PI4KA: variants seen among roughly 807,000 people sequenced by gnomAD.
PI4KA encodes the protein phosphatidylinositol 4-kinase alpha.
PI4KA carries 122 observed loss-of-function variants against 271.4 expected under a neutral mutation model. That is an observed-to-expected ratio of 0.45 (90% CI 0.39 to 0.52). The LOEUF is 0.52. PI4KA is among the 20% of genes least tolerant of loss of function. PI4KA has a pLI of 0.00. For missense variants in PI4KA, 1,969 were observed against 2,769.1 expected (o/e 0.71, Z 6.48); for synonymous variants, 1,041 against 1,078.8 (o/e 0.96, Z 0.69).
At chr22:20,842,241 TA>T (rs982101959) in intron 1 of PI4KA, among the ~76,000 whole-genome samples, 2 of 149,956 alleles carry the variant, frequency 1.3e-5, no homozygotes, top group Non-Finnish European at 1.5e-5. Flanking sequence ...ATATACATAT[TA>T]AAAAAAAATG....
At position 20,764,823 on chromosome 22, in the gene PI4KA, T is replaced by C; in HGVS notation, c.2702A>G (p.Tyr901Cys). 1.9e-6 allele frequency: 3 copies of C among 1,612,004 alleles called. No individual in the cohort carries two copies. Among genetic ancestry groups the C allele is most frequent in the Non-Finnish European group, 2.5e-6 (3 of 1,178,784 alleles). Residue 901 changes from tyrosine to cysteine, a missense_variant, in exon 22 of 55, where the codon TAC (tyrosine) becomes TGC (cysteine). Tyr to Cys is a radical substitution (Grantham distance 194). Transcript: ENST00000255882. ...GTGGTGAAGGCACGTGTACCTCATGTACTCCAGCCGGTACACAGAGAGGAG... is the reference window on the plus strand; with the variant it reads ...GTGGTGAAGGCACGTGTACCTCATGCACTCCAGCCGGTACACAGAGAGGAG... ...TYLLSVYRLE[Y>C]MRVLRSTDPD...
chr22:20,783,961 G>A (rs756453118), intron 19 of PI4KA: 103 of 1,614,022 alleles, frequency 6.4e-5, no homozygotes, highest in Non-Finnish European at 8.2e-5. Flanking sequence ...CTCTTCCTGT[G>A]GCCTTTACAG....
chr22:20,736,549 A>C (rs1340260013), intron 32 of PI4KA: 1 of 153,540 alleles, frequency 6.5e-6, no homozygotes, highest in Non-Finnish European at 1.4e-5. Context: ...CAGATCCTGG[A>C]TAAACCTCAA....
chr22:20,803,673 C>T (rs1329202345), intron 12 of PI4KA, among the ~76,000 whole-genome samples: 3 of 152,082 alleles, frequency 2.0e-5, no homozygotes, highest in Admixed American at 6.6e-5. Context: ...TGTAGGCACA[C>T]ACCATCATCC....
In PI4KA at chr22:20,786,962, C is replaced by G. The variant is rs1472854323; in HGVS notation, c.2328+6231G>C. 1 of 1,614,062 alleles carries G rather than the reference C, an allele frequency of 6.2e-7. No homozygotes were observed. Among genetic ancestry groups the G allele is most frequent in the African/African-American group, 1.3e-5 (1 of 74,910 alleles). On this transcript the variant is annotated intron_variant, in intron 19 of 54. Transcript: ENST00000255882. ...GGTGGGGTTCATGCCGCTGTCCACC[C>G]AAGTCCGCTTCACTGTCGACCGCCC...
At chr22:20,744,749 T>C (rs769233070) in intron 29 of PI4KA, 29 bp from the exon 30 acceptor site, 4 of 1,562,128 alleles carry the variant, frequency 2.6e-6, no homozygotes, top group Non-Finnish European at 2.6e-6. Context: ...TATTGTAGAC[T>C]ATGGCAGCAC....
chr22:20,802,266 A>C (rs1363913283), intron 13 of PI4KA, among the ~76,000 whole-genome samples, 161 bp from the exon 14 acceptor site: 1 of 152,268 alleles, frequency 6.6e-6, no homozygotes, highest in Non-Finnish European at 1.5e-5. Context: ...AGAGTCTAAG[A>C]GCAACAGGAA....
chr22:20,757,611 T>G (rs1216902980), intron 23 of PI4KA, among the ~76,000 whole-genome samples: 3 of 152,062 alleles, frequency 2.0e-5, no homozygotes, highest in Non-Finnish European at 4.4e-5. Flanking sequence ...TGGTGTGATC[T>G]CAGCTCACTG....
Position 20,710,720 on chromosome 22 carries a change from A to G in PI4KA, c.6062T>C (p.Val2021Ala). The change falls in exon 52 of 55, where the codon GTC becomes GCC. Residue 2021 changes from valine (V) to alanine (A), a missense_variant. Transcript: ENST00000255882. ...TCACCGCACAGCCAGGTAGCCTCGG[A>G]CACACATCTCCATGAACCACTTGAA... ...TPFKWFMEMC[V>A]RGYLAVRPYM... The G allele has an allele frequency of 6.2e-7, 1 of 1,614,038 alleles. No individual in the cohort carries two copies. Among genetic ancestry groups the G allele is most frequent in the Non-Finnish European group, 8.5e-7 (1 of 1,179,886 alleles).
intron 19 of PI4KA, among the ~76,000 whole-genome samples, chr22:20,790,334 T>C (rs534373923): frequency 1.3e-5 from 2 of 152,296 alleles, no homozygotes; most frequent in East Asian, 3.9e-4. Flanking sequence ...ATATACTCTA[T>C]ATACAAAATA....
At chr22:20,822,956 C>T (rs1437484981) in intron 4 of PI4KA, among the ~76,000 whole-genome samples, 2 of 152,114 alleles carry the variant, frequency 1.3e-5, no homozygotes, top group African/African-American at 2.4e-5. Flanking sequence ...CTCTGTTATC[C>T]AGGCTGGAGT....
intron 3 of PI4KA, among the ~76,000 whole-genome samples, chr22:20,827,834 G>A (rs956011961): frequency 1.1e-4 from 17 of 151,964 alleles, no homozygotes; most frequent in African/African-American, 3.6e-4. Context: ...TCACTCTGTC[G>A]CCCAGGCTGG....
chr22:20,725,630 C>G (rs1350170527), intron 42 of PI4KA: 10 of 421,582 alleles, frequency 2.4e-5, no homozygotes, highest in South Asian at 1.3e-4. Context: ...CACAGTGGCT[C>G]AGGCCTATAA....
At chr22:20,755,045 T>C (rs1931129116) in intron 23 of PI4KA, among the ~76,000 whole-genome samples, 2 of 152,178 alleles carry the variant, frequency 1.3e-5, no homozygotes, top group Admixed American at 6.5e-5. Flanking sequence ...TGCCTTGGCC[T>C]CCCAAAATGC....
chr22:20,732,057 C>T (rs1448221278), intron 36 of PI4KA, among the ~76,000 whole-genome samples: 1 of 151,926 alleles, frequency 6.6e-6, no homozygotes, highest in Non-Finnish European at 1.5e-5. Flanking sequence ...GCCTGTAGTC[C>T]CAGCTACTCA....
At chr22:20,740,915 T>C (rs1456150478) in intron 32 of PI4KA, among the ~76,000 whole-genome samples, 1 of 152,222 alleles carries the variant, frequency 6.6e-6, no homozygotes, top group African/African-American at 2.4e-5. Flanking sequence ...AGAGAATTTA[T>C]TTCCAGCAGA....
chr22:20,807,653 G>T (rs896831744), intron 9 of PI4KA, among the ~76,000 whole-genome samples, 195 bp from the exon 10 acceptor site: 2 of 152,218 alleles, frequency 1.3e-5, no homozygotes, highest in Admixed American at 1.3e-4. Context: ...AAAACAGGAG[G>T]CTCATGCAGT....
chr22:20,837,767 C>G (rs549056011), intron 2 of PI4KA, among the ~76,000 whole-genome samples: 3 of 152,132 alleles, frequency 2.0e-5, no homozygotes, highest in Admixed American at 6.6e-5. Context: ...AACAGTCACA[C>G]TATTTTTTTG....
intron 3 of PI4KA, among the ~76,000 whole-genome samples, chr22:20,825,424 A>C (rs998080204): frequency 6.6e-6 from 1 of 152,078 alleles, no homozygotes; most frequent in Admixed American, 6.6e-5. Flanking sequence ...GCAAAATACT[A>C]TCTCTACCGA....
Sources: gnomAD v4.1 joint callset for allele counts (sites outside exome capture counted in the v4.1 genomes callset) on GRCh38, gnomAD v4.1.1 for gene constraint, MANE v1.5 for transcripts, NCBI Gene and HGNC (gene_info 2026-07-23, HGNC 2026-07-21) for gene names.